SLIT3: variants seen among roughly 807,000 people sequenced by gnomAD.
SLIT3 encodes slit homolog 3 protein.
SLIT3 carries 68 observed loss-of-function variants against 184.0 expected under a neutral mutation model. That is an observed-to-expected ratio of 0.37 (90% CI 0.30 to 0.45). SLIT3 has a LOEUF of 0.45. Ranked by LOEUF, SLIT3 falls within the 20% of genes least tolerant of loss-of-function variation. The pLI, the probability that SLIT3 is intolerant of heterozygous loss-of-function variation, is 1.00. For missense variants in SLIT3, 1,707 were observed against 2,026.0 expected (o/e 0.84, Z 3.02); for synonymous variants, 831 against 828.6 (o/e 1.00, Z -0.05).
chr5:168,750,017 G>A (rs1754644371), intron 18 of SLIT3, among the ~76,000 whole-genome samples: 1 of 152,100 alleles, frequency 6.6e-6, no homozygotes, highest in South Asian at 2.1e-4. Flanking sequence ...CATCAAGGAA[G>A]CCTTCTCTGA....
chr5:168,702,226 G>A (rs115012329), intron 26 of SLIT3, among the ~76,000 whole-genome samples: 162 of 152,314 alleles, frequency 1.1e-3, no homozygotes, highest in African/African-American at 3.6e-3. Context: ...CACATTTTCC[G>A]TTCCAGGCCT....
chr5:169,077,346 G>A (rs1758785310), intron 4 of SLIT3, among the ~76,000 whole-genome samples: 1 of 152,008 alleles, frequency 6.6e-6, no homozygotes, highest in Admixed American at 6.6e-5. Flanking sequence ...GACCAGCCTG[G>A]CCAAGATGGT....
intron 20 of SLIT3, 102 bp downstream of exon 20, chr5:168,748,200 C>A: frequency 7.7e-7 from 1 of 1,304,878 alleles, no homozygotes. Flanking sequence ...CTCCCCCCGG[C>A]AGTTTCGCCA....
intron 19 of SLIT3, among the ~76,000 whole-genome samples, chr5:168,749,225 AATC>A (rs1392738613): frequency 6.6e-6 from 1 of 152,242 alleles, no homozygotes; most frequent in Non-Finnish European, 1.5e-5. Context: ...GTCTTAATGA[AATC>A]AATATATTAT....
intron 4 of SLIT3, among the ~76,000 whole-genome samples, chr5:169,086,221 A>G (rs1192611858): frequency 6.6e-6 from 1 of 152,184 alleles, no homozygotes. Context: ...ATATGAACAA[A>G]ATATAAATGA....
chr5:168,694,839 G>A (rs564760099), intron 28 of SLIT3, among the ~76,000 whole-genome samples: 76 of 152,248 alleles, frequency 5.0e-4, no homozygotes, highest in African/African-American at 1.8e-3. Context: ...GGCTGGTCTC[G>A]AACTCCTGAT....
chr5:169,211,813 T>C lies in SLIT3; in HGVS notation c.342-18263A>G, dbSNP rs566444811. On this transcript the variant is annotated intron_variant, in intron 3 of 35. Coordinates refer to ENST00000519560, the MANE Select transcript of SLIT3 (RefSeq NM_003062.4). ...TAGCCCCCCGTCCCCAGACGGCCCG[T>C]GTGTGATGTTCCCCTCCCTGTGTCC... Among the ~76,000 whole-genome samples the C allele has an allele frequency of 1.9e-3, 293 of 152,158 alleles. 2 individuals carry two copies. The highest frequency in any genetic ancestry group is 6.8e-3 in the African/African-American group (282 of 41,518).
At chr5:168,966,826 C>A (rs1763212270) in intron 4 of SLIT3, among the ~76,000 whole-genome samples, 1 of 152,110 alleles carries the variant, frequency 6.6e-6, no homozygotes, top group Non-Finnish European at 1.5e-5. Context: ...AACGTGAGGA[C>A]AGAAAGAGAC....
intron 12 of SLIT3, among the ~76,000 whole-genome samples, chr5:168,777,354 T>C (rs994363217): frequency 2.0e-5 from 3 of 152,190 alleles, no homozygotes; most frequent in Admixed American, 6.5e-5. Context: ...ATAAGCCCAA[T>C]TGTAGCAATT....
chr5:169,038,710 G>T (rs914198915), intron 4 of SLIT3, among the ~76,000 whole-genome samples: 1 of 152,202 alleles, frequency 6.6e-6, no homozygotes, highest in Admixed American at 6.5e-5. Context: ...CTGCTATTTA[G>T]TGATGGAGAT....
intron 4 of SLIT3, among the ~76,000 whole-genome samples, chr5:168,955,627 G>A (rs999450237): frequency 6.6e-6 from 1 of 152,224 alleles, no homozygotes; most frequent in Non-Finnish European, 1.5e-5. Flanking sequence ...CTGCAAGGGG[G>A]CAGGCTTGGG....
intron 4 of SLIT3, among the ~76,000 whole-genome samples, chr5:169,072,390 G>A (rs1413982320): frequency 6.6e-6 from 1 of 152,194 alleles, no homozygotes; most frequent in East Asian, 1.9e-4. Flanking sequence ...ATATCTGCTA[G>A]TCCTTCCCCA....
intron 4 of SLIT3, among the ~76,000 whole-genome samples, chr5:169,105,818 C>T (rs957909829): frequency 3.3e-5 from 5 of 152,150 alleles, no homozygotes; most frequent in Admixed American, 6.5e-5. Flanking sequence ...TAGTATTCCA[C>T]GGTGTATATG....
At chr5:169,059,180 G>A (rs1758101066) in intron 4 of SLIT3, among the ~76,000 whole-genome samples, 1 of 152,192 alleles carries the variant, frequency 6.6e-6, no homozygotes, top group Non-Finnish European at 1.5e-5. Context: ...CTGACAAACA[G>A]AAGCCTGCAA....
At chr5:169,066,967 A>T (rs1488804289) in intron 4 of SLIT3, among the ~76,000 whole-genome samples, 2 of 151,282 alleles carry the variant, frequency 1.3e-5, no homozygotes, top group Non-Finnish European at 2.9e-5. Context: ...AAAAAAGACA[A>T]GACATACATG....
intron 4 of SLIT3, among the ~76,000 whole-genome samples, chr5:169,136,209 C>T (rs532117132): frequency 6.6e-6 from 1 of 152,212 alleles, no homozygotes; most frequent in Non-Finnish European, 1.5e-5. Context: ...GGGTAGTTTC[C>T]GTCAACATGG....
chr5:168,677,199 C>T (rs577999689), intron 32 of SLIT3, among the ~76,000 whole-genome samples: 15 of 152,330 alleles, frequency 9.8e-5, no homozygotes, highest in African/African-American at 3.1e-4. Context: ...GGACCCTGGG[C>T]AAGTCATATC....
chr5:169,129,507 G>C (rs560928151), intron 4 of SLIT3, among the ~76,000 whole-genome samples: 2 of 152,084 alleles, frequency 1.3e-5, no homozygotes, highest in African/African-American at 4.8e-5. Flanking sequence ...AGACGAGATT[G>C]CGCCATTGCA....
rs140711484 is a variant in SLIT3 at position 169,131,492 on chromosome 5, C to T, written c.413+61987G>A. ...TTAGCAGGGTCTTCTGAGAAGGGCT[C>T]TTGTCCCACTGAGCCCTAAGTCCCT... On this transcript the variant is annotated intron_variant, in intron 4 of 35. Transcript: ENST00000519560. Among the ~76,000 whole-genome samples, 139 of 152,322 alleles carry T rather than the reference C, an allele frequency of 9.1e-4. 1 individual carries two copies. The highest frequency in any genetic ancestry group is 3.2e-3 in the African/African-American group (134 of 41,580).
Sources: gnomAD v4.1 joint callset for allele counts (sites outside exome capture counted in the v4.1 genomes callset) on GRCh38, gnomAD v4.1.1 for gene constraint, MANE v1.5 for transcripts, NCBI Gene and HGNC (gene_info 2026-07-23, HGNC 2026-07-21) for gene names.